Variants in ACO2 observed in about 807,000 individuals in gnomAD.
ACO2 encodes aconitase 2.
Under a neutral mutation model 84.5 loss-of-function variants are expected in ACO2, and 31 were observed. That is an observed-to-expected ratio of 0.37 (90% CI 0.28 to 0.50). ACO2 has a LOEUF of 0.50. Among genes scored for constraint, ACO2 ranks in the 20% least tolerant of loss-of-function variants. The probability of loss-of-function intolerance (pLI) is 0.97; values close to 1 mark genes in which losing one functional copy is unlikely to be tolerated. For synonymous variants in ACO2, 414 were observed against 412.7 expected (o/e 1.00, Z -0.04); for missense variants, 685 against 1,029.3 (o/e 0.67, Z 4.58).
rs551835342 is a variant in ACO2 at position 41,483,287 on chromosome 22, C to T, written c.36+14105C>T. On this transcript the variant is annotated intron_variant, in intron 1 of 17. Coordinates refer to ENST00000216254, the MANE Select transcript of ACO2 (RefSeq NM_001098.3). ...GGTGACCTCAGGAATGTCTCTGTGG[C>T]CTGAGGTTGAACTGAGCATTGAGTG... Among the ~76,000 whole-genome samples, 7 of 152,202 alleles carry T rather than the reference C, an allele frequency of 4.6e-5. No homozygotes were observed. The South Asian group carries it at 1.5e-3, about 32-fold the overall frequency.
chr22:41,501,803 A>G (rs1011724237), intron 2 of ACO2, among the ~76,000 whole-genome samples: 2 of 152,088 alleles, frequency 1.3e-5, no homozygotes, highest in African/African-American at 2.4e-5. Flanking sequence ...ATCTACTGGT[A>G]TCCCCACTTC....
intron 12 of ACO2, among the ~76,000 whole-genome samples, chr22:41,524,396 G>C (rs538787819): frequency 6.6e-6 from 1 of 152,230 alleles, no homozygotes; most frequent in Non-Finnish European, 1.5e-5. Flanking sequence ...ATTCAGCCCT[G>C]GCCGTGACTG....
intron 1 of ACO2, among the ~76,000 whole-genome samples, chr22:41,492,471 T>C (rs948231532): frequency 2.0e-5 from 3 of 152,062 alleles, no homozygotes; most frequent in African/African-American, 7.2e-5. Context: ...ACCCCGTCTC[T>C]ACTAAAAATA....
At chr22:41,527,472 G>C in intron 16 of ACO2, 52 bp downstream of exon 16, 20 of 1,561,064 alleles carry the variant, frequency 1.3e-5, no homozygotes, top group Non-Finnish European at 1.6e-5. Flanking sequence ...TAGTGATCAA[G>C]GTCACTCTCC....
At chr22:41,522,760 T>G in intron 9 of ACO2, 70 bp from the exon 10 acceptor site, 1 of 1,548,676 alleles carries the variant, frequency 6.5e-7, no homozygotes, top group Admixed American at 1.8e-5. Context: ...CTGGATAATT[T>G]GAAGTCAGGT....
rs746659632 is a variant in ACO2 at position 41,517,538 on chromosome 22, A to G, written c.847A>G (p.Ile283Val). ...CTGTTGCTCCACAGGCATGGCGACA[A>G]TCTGCAACATGGGTGCAGAAATTGG... ...DSISCTGMAT[I>V]CNMGAEIGAT... Residue 283 changes from isoleucine to valine, a missense_variant, in exon 7 of 18, where the codon ATC (isoleucine) becomes GTC (valine). By Grantham distance (29) the Ile-to-Val change is conservative (BLOSUM62 3). This residue lies in a region of ACO2 where 311 missense variants were observed against 441.6 expected (regional missense o/e 0.70). Coordinates refer to ENST00000216254, the MANE Select transcript of ACO2 (RefSeq NM_001098.3). 5.3e-5 allele frequency: 85 copies of G among 1,613,666 alleles called. 1 individual carries two copies. The South Asian group carries it at 8.5e-4, about 16-fold the overall frequency.
At position 41,513,858 on chromosome 22, in the gene ACO2, C is replaced by CA. The variant is rs200543438; in HGVS notation, c.526-1518dup. Among the ~76,000 whole-genome samples, 672 of 152,310 alleles carry CA rather than the reference C, an allele frequency of 4.4e-3. 3 individuals are homozygous for CA. The highest frequency in any genetic ancestry group is 0.016 in the African/African-American group (646 of 41,572). On this transcript the variant is annotated intron_variant, in intron 4 of 17. Transcript: ENST00000216254. The stretch of plus-strand genomic sequence containing the variant: ...ACCCACAGACCGGGGAGCTCACTGT[C>CA]ACGGCCAGCGTCATCGTGACATCTT...
In ACO2 at chr22:41,517,751, G is replaced by A. The variant is rs962330728; in HGVS notation, c.940+120G>A. 2.4e-5 allele frequency: 20 copies of A among 845,428 alleles called. No homozygotes were observed. The East Asian group carries it at 2.9e-4, about 12-fold the overall frequency. The allele number at this position is 845,428 out of a possible 1,614,324, so 52.4% of individuals were successfully genotyped here. The stretch of plus-strand genomic sequence containing the variant: ...CTTAACCCATTGTCTCCAGACAGGC[G>A]TCCGAGGCTCTGAGAAAGCCCTGAA... On this transcript the variant is annotated intron_variant, in intron 7 of 17. Transcript: ENST00000216254.
rs759403718 is a variant in ACO2 at position 41,526,270 on chromosome 22, G to A, written c.1770G>A (p.Gly590=). The change falls in exon 15 of 18, where the codon GGG becomes GGA. Residue 590 remains glycine (G), a synonymous_variant. Coordinates refer to ENST00000216254, the MANE Select transcript of ACO2 (RefSeq NM_001098.3). ...TCTACTTACCACCCAAGGTCAAAGG[G>A]AAGTGTACCACTGACCACATCTCAG... is the stretch of plus-strand genomic sequence containing the variant. ...EDLQILIKVK[G]KCTTDHISAA... 21 of 1,611,778 alleles carry A rather than the reference G, an allele frequency of 1.3e-5. No homozygotes were observed. Among genetic ancestry groups the A allele is most frequent in the Admixed American group, 1.7e-5 (1 of 59,986 alleles).
intron 8 of ACO2, among the ~76,000 whole-genome samples, chr22:41,519,046 G>T (rs553389206): frequency 1.3e-5 from 2 of 152,288 alleles, no homozygotes; most frequent in East Asian, 1.9e-4. Context: ...GGGTGGGGAG[G>T]GGGGAGACAC....
chr22:41,488,271 TCAAGATAGTGAG>T (rs887880429), intron 1 of ACO2, among the ~76,000 whole-genome samples: 3 of 152,154 alleles, frequency 2.0e-5, no homozygotes, highest in African/African-American at 7.2e-5. Context: ...CGTGGGCATG[TCAAGATAGTGAG>T]CCCTGGCTTT....
chr22:41,500,197 G>C (rs2066343884), intron 2 of ACO2, among the ~76,000 whole-genome samples: 1 of 152,174 alleles, frequency 6.6e-6, no homozygotes, highest in South Asian at 2.1e-4. Flanking sequence ...ACCAGGCCCA[G>C]TGCCTGGAGA....
chr22:41,500,637 G>A (rs761728234), intron 2 of ACO2, among the ~76,000 whole-genome samples: 4 of 151,810 alleles, frequency 2.6e-5, no homozygotes, highest in Admixed American at 6.6e-5. Flanking sequence ...AGCTTGCCTC[G>A]GCTTCCCAAA....
rs562292188 is a variant in ACO2, at chr22:41,522,701, T to A, written c.1139-129T>A. On this transcript the variant is annotated intron_variant, in intron 9 of 17. Coordinates refer to ENST00000216254, the MANE Select transcript of ACO2 (RefSeq NM_001098.3). ...TTCGGTTGCTTGCAACTGGTCTCTG[T>A]TAAAAAAGTCTCTGGCCCAGCCCAG... 1.2e-5 allele frequency: 13 copies of A among 1,055,324 alleles called. No homozygotes were observed. The African/African-American group carries it at 2.1e-4, about 17-fold the overall frequency. 65.4% of individuals were successfully genotyped at this position (1,055,324 alleles called of 1,614,324 possible).
At chr22:41,526,513 G>A (rs560314684) in intron 15 of ACO2, 60 bp downstream of exon 15, 1,231 of 1,545,174 alleles carry the variant, frequency 8.0e-4, no homozygotes, top group Non-Finnish European at 9.2e-4. Context: ...CTGCAAGGCA[G>A]GTGCAGGGAG....
intron 13 of ACO2, 67 bp from the exon 14 acceptor site, chr22:41,525,126 T>C: frequency 1.9e-6 from 3 of 1,597,856 alleles, no homozygotes; most frequent in Non-Finnish European, 1.7e-6. Context: ...GAAACTTGCC[T>C]TCTGAGAGTC....
intron 1 of ACO2, among the ~76,000 whole-genome samples, chr22:41,483,483 C>G (rs1485569008): frequency 2.0e-5 from 3 of 151,936 alleles, no homozygotes; most frequent in Non-Finnish European, 2.9e-5. Context: ...ATGGCAAAAC[C>G]CTGTCTTTAC....
chr22:41,507,316 T>C (rs995504316), intron 2 of ACO2, among the ~76,000 whole-genome samples: 3 of 152,276 alleles, frequency 2.0e-5, no homozygotes, highest in East Asian at 3.9e-4. Flanking sequence ...CCTGATTCCC[T>C]GTGCCTTAGT....
intron 4 of ACO2, among the ~76,000 whole-genome samples, chr22:41,512,535 G>A (rs2066441594): frequency 6.6e-6 from 1 of 152,250 alleles, no homozygotes; most frequent in Non-Finnish European, 1.5e-5. Flanking sequence ...GGGCAGGAGG[G>A]CTGGTCTGGA....
Sources: allele counts gnomAD v4.1 joint callset (sites outside exome capture counted in the v4.1 genomes callset), GRCh38; gene constraint gnomAD v4.1.1; regional missense constraint gnomAD v4.1.1; transcripts MANE v1.5; gene names NCBI Gene and HGNC (gene_info 2026-07-23, HGNC 2026-07-21).